The following GLIS3 variants were observed in gnomAD, a reference collection of about 807,000 sequenced individuals.
The protein encoded by GLIS3 is zinc finger protein GLIS3.
A neutral mutation model predicts 78.6 loss-of-function variants in GLIS3; 53 were observed. That is an observed-to-expected ratio of 0.67 (90% CI 0.54 to 0.85). The LOEUF (loss-of-function observed/expected upper bound fraction) is 0.85, where lower values mean the gene tolerates loss of function less well. Ranked by LOEUF, GLIS3 falls within the 40% of genes least tolerant of loss-of-function variation. The pLI is 0.00. For missense variants in GLIS3, 1,703 were observed against 1,231.1 expected, an observed-to-expected ratio of 1.38 and a Z score of -5.74; for synonymous variants, 684 against 509.9, an observed-to-expected ratio of 1.34 and a Z score of -4.60.
chr9:4,096,115 A>G (rs116477909), intron 4 of GLIS3, among the ~76,000 whole-genome samples: 1 of 152,214 alleles, frequency 6.6e-6, no homozygotes. Flanking sequence ...GGAGAAAAAA[A>G]CAAAGATAAA....
chr9:4,171,603 C>G (rs1274439918), intron 2 of GLIS3, among the ~76,000 whole-genome samples: 1 of 152,200 alleles, frequency 6.6e-6, no homozygotes, highest in Non-Finnish European at 1.5e-5. Flanking sequence ...GAGGGGAGAA[C>G]TGCTTACATC....
intron 2 of GLIS3, among the ~76,000 whole-genome samples, chr9:4,328,377 G>C (rs1817632993): frequency 6.6e-6 from 1 of 152,172 alleles, no homozygotes. Context: ...GCAGCAGATA[G>C]AGGTGTTCAT....
At chr9:4,315,968 T>A (rs1817431394) in intron 2 of GLIS3, among the ~76,000 whole-genome samples, 1 of 152,174 alleles carries the variant, frequency 6.6e-6, no homozygotes, top group Non-Finnish European at 1.5e-5. Context: ...CTACTCTAAA[T>A]TTTAGAAAGG....
chr9:4,036,999 A>C (rs1183028168), intron 4 of GLIS3, among the ~76,000 whole-genome samples: 2 of 152,290 alleles, frequency 1.3e-5, no homozygotes, highest in Admixed American at 1.3e-4. Context: ...CCAGAGCTGA[A>C]GACAGGGGTG....
chr9:3,894,004 A>G (rs1269323391), intron 7 of GLIS3, among the ~76,000 whole-genome samples: 1 of 152,204 alleles, frequency 6.6e-6, no homozygotes, highest in Non-Finnish European at 1.5e-5. Context: ...ACCATCACAG[A>G]TGCAAGAGAG....
intron 6 of GLIS3, among the ~76,000 whole-genome samples, chr9:3,918,899 C>T (rs192455777): frequency 6.6e-6 from 1 of 152,310 alleles, no homozygotes; most frequent in African/African-American, 2.4e-5. Flanking sequence ...CACCAACCAA[C>T]CTTTTGGAAT....
At chr9:4,312,145 T>C (rs1817371066) in intron 2 of GLIS3, among the ~76,000 whole-genome samples, 1 of 150,158 alleles carries the variant, frequency 6.7e-6, no homozygotes, top group Non-Finnish European at 1.5e-5. Flanking sequence ...ATAAAAGTTT[T>C]TGTTTTTGTT....
chr9:4,337,788 T>C (rs1454315777), intron 2 of GLIS3, among the ~76,000 whole-genome samples: 2 of 152,178 alleles, frequency 1.3e-5, no homozygotes, highest in African/African-American at 4.8e-5. Context: ...TTTTGTTTAC[T>C]CAGTACCAGG....
At chr9:4,199,369 C>G (rs1449441112) in intron 2 of GLIS3, among the ~76,000 whole-genome samples, 1 of 152,008 alleles carries the variant, frequency 6.6e-6, no homozygotes, top group East Asian at 1.9e-4. Context: ...TAGAGAAGAT[C>G]TGTCACACAA....
intron 2 of GLIS3, among the ~76,000 whole-genome samples, chr9:4,319,677 T>C (rs1050034482): frequency 8.6e-5 from 13 of 152,044 alleles, no homozygotes; most frequent in African/African-American, 3.1e-4. Context: ...CTATAGGTGT[T>C]TGCCACCACG....
chr9:4,091,131 G>A (rs1015723994), intron 4 of GLIS3, among the ~76,000 whole-genome samples: 1 of 152,160 alleles, frequency 6.6e-6, no homozygotes, highest in Admixed American at 6.5e-5. Flanking sequence ...TGGGTGGGAA[G>A]ATGGCTTGAG....
At chr9:4,460,504 T>C in the GLIS3 span, among the ~76,000 whole-genome samples, 1 of 152,180 alleles carries the variant, frequency 6.6e-6, no homozygotes, top group Non-Finnish European at 1.5e-5. Flanking sequence ...TAGGTATATA[T>C]ACTCCAAGTT....
intron 4 of GLIS3, among the ~76,000 whole-genome samples, chr9:4,021,906 G>A (rs1822919356): frequency 6.6e-6 from 1 of 152,108 alleles, no homozygotes; most frequent in Admixed American, 6.6e-5. Flanking sequence ...GGTTATTTGG[G>A]TACCCTCCTT....
In GLIS3 at chr9:4,267,083, G is replaced by C. The variant is rs141935317; in HGVS notation, c.388+18955C>G. 2.1e-3 allele frequency among the ~76,000 whole-genome samples: 323 copies of C among 152,204 alleles called. 1 individual carries two copies. Among genetic ancestry groups the C allele is most frequent in the African/African-American group, 7.4e-3 (306 of 41,522 alleles). On this transcript the variant is annotated intron_variant, in intron 2 of 10. Coordinates refer to ENST00000381971, the MANE Select transcript of GLIS3 (RefSeq NM_001042413.2). The stretch of plus-strand genomic sequence containing the variant: ...AAATGGAGAATGCATGAGCGTAAAG[G>C]TGAGTGTCACTGCTTGGAGAATAAG...
chr9:4,417,198 G>C, the GLIS3 span, among the ~76,000 whole-genome samples: 55 of 152,262 alleles, frequency 3.6e-4, 1 homozygote, highest in South Asian at 0.011. Context: ...ATAGTGATTT[G>C]TGGACTGAAG....
At chr9:4,444,245 T>A in the GLIS3 span, among the ~76,000 whole-genome samples, 1 of 152,204 alleles carries the variant, frequency 6.6e-6, no homozygotes, top group Non-Finnish European at 1.5e-5. Flanking sequence ...GATACACCAC[T>A]TATCTTAATT....
chr9:4,391,715 G>C, the GLIS3 span, among the ~76,000 whole-genome samples: 1 of 152,050 alleles, frequency 6.6e-6, no homozygotes, highest in Non-Finnish European at 1.5e-5. Context: ...CTGTCAATAG[G>C]GATTTGGTAA....
chr9:4,467,472 C>T, the GLIS3 span, among the ~76,000 whole-genome samples: 1 of 152,194 alleles, frequency 6.6e-6, no homozygotes, highest in Non-Finnish European at 1.5e-5. Context: ...TGCCATTCTG[C>T]AATATTTGCT....
At chr9:4,129,107 C>G (rs1329148266) in intron 2 of GLIS3, among the ~76,000 whole-genome samples, 1 of 152,146 alleles carries the variant, frequency 6.6e-6, no homozygotes, top group Non-Finnish European at 1.5e-5. Flanking sequence ...CAAGTCTGAC[C>G]AAGAACCACT....
Sources: gnomAD v4.1 joint callset for allele counts (sites outside exome capture counted in the v4.1 genomes callset) on GRCh38, gnomAD v4.1.1 for gene constraint, MANE v1.5 for transcripts, NCBI Gene and HGNC (gene_info 2026-07-23, HGNC 2026-07-21) for gene names.